Variants in FAM91A1 observed in about 807,000 individuals in gnomAD.
FAM91A1 encodes protein FAM91A1.
FAM91A1 carries 41 observed loss-of-function variants against 113.5 expected under a neutral mutation model. That is an observed-to-expected ratio of 0.36 (90% CI 0.28 to 0.47). FAM91A1 has a LOEUF of 0.47. FAM91A1 is among the 20% of genes least tolerant of loss of function. The pLI is 1.00. For synonymous variants in FAM91A1, 307 were observed against 347.9 expected (o/e 0.88, Z 1.31); for missense variants, 696 against 1,001.2 (o/e 0.70, Z 4.11).
At chr8:123,799,996 G>A (rs1280836551) in intron 18 of FAM91A1, 111 bp downstream of exon 18, 2 of 928,978 alleles carry the variant, frequency 2.2e-6, no homozygotes, top group Non-Finnish European at 3.1e-6. Context: ...TTATGAAGTT[G>A]AAATGTAAAA....
Position 123,808,874 on chromosome 8 carries a change from T to C in FAM91A1, c.2138-19T>C. ...TAGATATATATGATAAAAAAATAAGTTTATGTATCCTTTCTTAGGTGCCAC... is the reference window on the plus strand; with the variant it reads ...TAGATATATATGATAAAAAAATAAGCTTATGTATCCTTTCTTAGGTGCCAC... On this transcript the variant is annotated intron_variant, in intron 21 of 23. Coordinates refer to ENST00000334705, the MANE Select transcript of FAM91A1 (RefSeq NM_144963.4). The C allele has an allele frequency of 1.3e-6, 2 of 1,599,458 alleles. No homozygotes were observed. Among genetic ancestry groups the C allele is most frequent in the Non-Finnish European group, 1.7e-6 (2 of 1,173,374 alleles).
At chr8:123,782,361 C>T (rs1815146001) in intron 8 of FAM91A1, among the ~76,000 whole-genome samples, 1 of 152,120 alleles carries the variant, frequency 6.6e-6, no homozygotes, top group Admixed American at 6.6e-5. Context: ...GCATCAAATT[C>T]AGTACAAATA....
At chr8:123,797,085 TA>T (rs1815541378) in intron 15 of FAM91A1, among the ~76,000 whole-genome samples, 1 of 151,794 alleles carries the variant, frequency 6.6e-6, no homozygotes. Flanking sequence ...TAAAAAAAGA[TA>T]TGGGCCTTGA....
At position 123,798,240 on chromosome 8, in the gene FAM91A1, T is replaced by TA. The variant is rs1296196674; in HGVS notation, c.1560+5dup. ...CCTGTCAGCAGCTGCACCCCTCAGG[T>TA]AAAGACCTACTTGGAAGATCCACTT... On this transcript the variant is annotated splice_region_variant and intron_variant, in intron 16 of 23. Coordinates refer to ENST00000334705, the MANE Select transcript of FAM91A1 (RefSeq NM_144963.4). 6.2e-7 allele frequency: 1 copy of TA among 1,613,564 alleles called. No individual in the cohort carries two copies.
chr8:123,785,315 C>T (rs1436287226), intron 10 of FAM91A1, among the ~76,000 whole-genome samples, 196 bp downstream of exon 10: 1 of 152,168 alleles, frequency 6.6e-6, no homozygotes, highest in Non-Finnish European at 1.5e-5. Flanking sequence ...GGGATTCAAA[C>T]ACATGGACTG....
intron 18 of FAM91A1, among the ~76,000 whole-genome samples, chr8:123,804,355 G>C (rs1347345265): frequency 6.6e-6 from 1 of 151,846 alleles, no homozygotes; most frequent in Non-Finnish European, 1.5e-5. Context: ...GCCGGGTGTG[G>C]TGGCGGGCGC....
intron 4 of FAM91A1, among the ~76,000 whole-genome samples, 187 bp from the exon 5 acceptor site, chr8:123,777,838 A>G (rs1468979520): frequency 6.6e-6 from 1 of 152,186 alleles, no homozygotes; most frequent in Non-Finnish European, 1.5e-5. Flanking sequence ...GTCATCTTGA[A>G]TTCATCTCTC....
At chr8:123,793,022 A>C (rs1430456182) in intron 15 of FAM91A1, among the ~76,000 whole-genome samples, 1 of 152,138 alleles carries the variant, frequency 6.6e-6, no homozygotes, top group African/African-American at 2.4e-5. Flanking sequence ...ACTCACCCTC[A>C]ACCTAAGCCA....
At position 123,814,635 on chromosome 8, in the gene FAM91A1, C is replaced by T. The variant is rs1435041589; in HGVS notation, c.*1931C>T. 2 of 152,754 alleles carry T rather than the reference C, an allele frequency of 1.3e-5. No individual in the cohort carries two copies. Among genetic ancestry groups the T allele is most frequent in the South Asian group, 2.1e-4 (1 of 4,830 alleles). The allele number at this position is 152,754 out of a possible 1,614,324, so 9.5% of individuals were successfully genotyped here. ...AAAGTACCGAAGAACCATGGGGTCC[C>T]CTCTGGTTTCTTGTGTTGAATGAGG... On this transcript the variant is annotated 3_prime_UTR_variant, in exon 24 of 24. Coordinates refer to ENST00000334705, the MANE Select transcript of FAM91A1 (RefSeq NM_144963.4).
intron 11 of FAM91A1, 25 bp from the exon 12 acceptor site, chr8:123,786,470 A>G (rs773574818): frequency 6.6e-7 from 1 of 1,510,044 alleles, no homozygotes; most frequent in Non-Finnish European, 9.2e-7. Context: ...GATTTTTAAA[A>G]AGCAAATGCA....
At chr8:123,773,240 G>GT (rs1283417965) in intron 1 of FAM91A1, among the ~76,000 whole-genome samples, 1 of 152,134 alleles carries the variant, frequency 6.6e-6, no homozygotes. Context: ...CCTGTCTTTG[G>GT]TTTTGGCTTA....
chr8:123,781,604 A>C (rs183042699), intron 8 of FAM91A1, among the ~76,000 whole-genome samples: 3 of 151,534 alleles, frequency 2.0e-5, no homozygotes, highest in Admixed American at 2.0e-4. Context: ...CAGTCTCCCG[A>C]ATAGCTGGGA....
chr8:123,810,244 G>A lies in FAM91A1; in HGVS notation c.2262-38G>A, dbSNP rs753704852. ...ATGAGAAACTCATTCTTGCCTTTAT[G>A]TTTGTTTTAAACTGTTTCTCGCCTT... On this transcript the variant is annotated intron_variant, in intron 22 of 23. Transcript: ENST00000334705. 20 of 1,564,026 alleles carry A rather than the reference G, an allele frequency of 1.3e-5. No individual in the cohort carries two copies. The East Asian group carries it at 3.4e-4, about 27-fold the overall frequency.
rs1563638066 is a variant in FAM91A1, at chr8:123,780,523, T to C, written c.684T>C (p.Ser228=). 6.2e-7 allele frequency: 1 copy of C among 1,611,444 alleles called. No homozygotes were observed. Among genetic ancestry groups the C allele is most frequent in the Non-Finnish European group, 8.5e-7 (1 of 1,179,136 alleles). Residue 228 remains serine, a synonymous_variant, in exon 8 of 24, where the codon TCT becomes TCC. Coordinates refer to ENST00000334705, the MANE Select transcript of FAM91A1 (RefSeq NM_144963.4). ...KGFIYLDVPI[S]DDSCIAVPPL... Reference sequence around the variant, plus strand: ...TTATTTATCTGGATGTACCAATATCTGATGACAGTTGTATAGCAGGTAAGT... The same window carrying C: ...TTATTTATCTGGATGTACCAATATCCGATGACAGTTGTATAGCAGGTAAGT...
chr8:123,790,035 C>T (rs1815346637), intron 15 of FAM91A1, among the ~76,000 whole-genome samples: 1 of 152,134 alleles, frequency 6.6e-6, no homozygotes, highest in Non-Finnish European at 1.5e-5. Context: ...TTAGAACAGG[C>T]ATCAGCTCTG....
chr8:123,772,334 T>G (rs1159575146), intron 1 of FAM91A1, among the ~76,000 whole-genome samples: 1 of 152,202 alleles, frequency 6.6e-6, no homozygotes, highest in Non-Finnish European at 1.5e-5. Flanking sequence ...TATGCATGTG[T>G]GTGTATTTGT....
At chr8:123,779,033 A>G (rs1049334284) in intron 6 of FAM91A1, among the ~76,000 whole-genome samples, 1 of 152,230 alleles carries the variant, frequency 6.6e-6, no homozygotes, top group Non-Finnish European at 1.5e-5. Context: ...GTAAAGTAAC[A>G]TGATGCCACA....
intron 15 of FAM91A1, among the ~76,000 whole-genome samples, chr8:123,797,739 G>C (rs1815563591): frequency 6.6e-6 from 1 of 152,224 alleles, no homozygotes; most frequent in South Asian, 2.1e-4. Context: ...ATTTTTGACT[G>C]TGCACGGCGT....
At chr8:123,792,274 A>G (rs541538203) in intron 15 of FAM91A1, among the ~76,000 whole-genome samples, 3 of 152,368 alleles carry the variant, frequency 2.0e-5, no homozygotes, top group Admixed American at 1.3e-4. Flanking sequence ...TACTTTGAGT[A>G]TATCATGTAG....
Sources: gnomAD v4.1 joint callset for allele counts (sites outside exome capture counted in the v4.1 genomes callset) on GRCh38, gnomAD v4.1.1 for gene constraint, MANE v1.5 for transcripts, NCBI Gene and HGNC (gene_info 2026-07-23, HGNC 2026-07-21) for gene names.